TBX4: variants seen among roughly 807,000 people sequenced by gnomAD.
TBX4 encodes the protein T-box transcription factor TBX4.
In TBX4, 13 loss-of-function variants were observed where a neutral mutation model predicts 54.6. That is an observed-to-expected ratio of 0.24 (90% CI 0.15 to 0.38). TBX4 has a LOEUF of 0.38. TBX4 is among the 10% of genes least tolerant of loss of function. TBX4 has a pLI of 1.00. For synonymous variants in TBX4, 314 were observed against 306.7 expected (o/e 1.02, Z -0.25); for missense variants, 631 against 728.5 (o/e 0.87, Z 1.54).
chr17:61,453,109 C>T (rs2060425265), intron 1 of TBX4: 3 of 607,600 alleles, frequency 4.9e-6, no homozygotes, highest in Non-Finnish European at 6.2e-6. Context: ...TGAACAATTA[C>T]CAAAGAAAGG....
At chr17:61,482,605 A>T (rs1183697374) in intron 8 of TBX4, among the ~76,000 whole-genome samples, 1 of 152,190 alleles carries the variant, frequency 6.6e-6, no homozygotes, top group African/African-American at 2.4e-5. Context: ...ACTCTGCAAG[A>T]GTCAGGCTGG....
chr17:61,483,372 C>A lies in TBX4; in HGVS notation c.1497C>A (p.Pro499=), dbSNP rs755651888. 6.8e-6 allele frequency: 11 copies of A among 1,609,922 alleles called. No homozygotes were observed. The highest frequency in any genetic ancestry group is 2.2e-5 in the East Asian group (1 of 44,824). The change falls in exon 9 of 9, where the codon CCC becomes CCA. Residue 499 remains proline, a synonymous_variant. Transcript: ENST00000644296. The surrounding 1 kb of genome is among the most constrained non-coding windows in gnomAD (Gnocchi z 6.6). ...SASFPRERGL[P]QGCERKPPSP... ...CATTCCCAAGAGAGCGCGGCCTCCCCCAAGGGTGTGAGAGGAAGCCACCCT... is the reference window on the plus strand; with the variant it reads ...CATTCCCAAGAGAGCGCGGCCTCCCACAAGGGTGTGAGAGGAAGCCACCCT...
At chr17:61,453,323 T>C (rs1437668861) in intron 1 of TBX4, among the ~76,000 whole-genome samples, 1 of 152,130 alleles carries the variant, frequency 6.6e-6, no homozygotes, top group Non-Finnish European at 1.5e-5. Flanking sequence ...ATTACCAAAC[T>C]GTAGGAAACT....
rs1377991381 is a variant in TBX4, at chr17:61,474,521, A to G, written c.550-4106A>G. Among the ~76,000 whole-genome samples, 2 of 152,172 alleles carry G rather than the reference A, an allele frequency of 1.3e-5. No homozygotes were observed. The highest frequency in any genetic ancestry group is 4.8e-5 in the African/African-American group (2 of 41,424). On this transcript the variant is annotated intron_variant, in intron 5 of 8. Coordinates refer to ENST00000644296, the MANE Select transcript of TBX4 (RefSeq NM_001321120.2). This position sits in a 1 kb window ranked among gnomAD's most constrained non-coding sequence, Gnocchi z 4.6. ...CATGCCCTAATGTTCTGTGATTCCA[A>G]TGTAGATAGATCTGGGCTTTATTGG...
chr17:61,467,801 C>A (rs1034690872), intron 5 of TBX4, 144 bp downstream of exon 5: 6 of 1,051,876 alleles, frequency 5.7e-6, no homozygotes, highest in Admixed American at 4.9e-5. Flanking sequence ...GGAAGGAGCT[C>A]AAGCCTCTGA....
chr17:61,456,598 G>A lies in TBX4; in HGVS notation c.108G>A (p.Ala36=). ...ACGCCCCCGAGCCCGCGCTGGCAGCGCCGGGCCTCAGCGGAGCCGCGCTAG... is the reference window on the plus strand; with the variant it reads ...ACGCCCCCGAGCCCGCGCTGGCAGCACCGGGCCTCAGCGGAGCCGCGCTAG... The part of the protein sequence containing the change: ...AANAPEPALA[A]PGLSGAALGS... The change falls in exon 2 of 9, where the codon GCG becomes GCA. Residue 36 remains alanine (A), a synonymous_variant. Transcript: ENST00000644296. 6.6e-7 allele frequency: 1 copy of A among 1,521,340 alleles called. No homozygotes were observed. Among genetic ancestry groups the A allele is most frequent in the Non-Finnish European group, 8.8e-7 (1 of 1,133,952 alleles). 94.2% of individuals were successfully genotyped at this position (1,521,340 alleles called of 1,614,324 possible).
chr17:61,466,106 G>A (rs2060535918), intron 4 of TBX4, among the ~76,000 whole-genome samples, 168 bp downstream of exon 4: 1 of 152,144 alleles, frequency 6.6e-6, no homozygotes, highest in East Asian at 1.9e-4. Context: ...GGTGGTCAGC[G>A]AATGTCTGCA....
intron 5 of TBX4, among the ~76,000 whole-genome samples, chr17:61,473,256 T>C (rs751187472): frequency 4.6e-5 from 7 of 152,254 alleles, no homozygotes; most frequent in Non-Finnish European, 1.0e-4. Context: ...GCAGCCTTTC[T>C]TTCACTACAT....
chr17:61,456,384 G>C, intron 1 of TBX4, 104 bp from the exon 2 acceptor site: 1 of 1,475,198 alleles, frequency 6.8e-7, no homozygotes, highest in Non-Finnish European at 9.2e-7. Flanking sequence ...CTCCAGGGCT[G>C]CCTCCGCGCC....
At position 61,456,574 on chromosome 17, in the gene TBX4, C is replaced by A; in HGVS notation, c.84C>A (p.Asn28Lys). The A allele has an allele frequency of 6.5e-7, 1 of 1,540,354 alleles. No individual in the cohort carries two copies. The highest frequency in any genetic ancestry group is 1.2e-5 in the South Asian group (1 of 83,250). ...GPALGEASAANAPEPALAAPG... is the reference protein window; with the variant it reads ...GPALGEASAAKAPEPALAAPG... Reference sequence around the variant, plus strand: ...CGCTCGGAGAGGCCAGCGCAGCCAACGCCCCCGAGCCCGCGCTGGCAGCGC... The same window carrying A: ...CGCTCGGAGAGGCCAGCGCAGCCAAAGCCCCCGAGCCCGCGCTGGCAGCGC... The change falls in exon 2 of 9, where the codon AAC becomes AAA. Residue 28 changes from asparagine (N) to lysine (K), a missense_variant. This residue lies in a region of TBX4 where 123 missense variants were observed against 120.9 expected (regional missense o/e 1.02). Transcript: ENST00000644296.
At chr17:61,470,658 G>C (rs2060570417) in intron 5 of TBX4, among the ~76,000 whole-genome samples, 1 of 152,192 alleles carries the variant, frequency 6.6e-6, no homozygotes, top group Non-Finnish European at 1.5e-5. Context: ...TCCCGAGGTT[G>C]GGCCAGGCGG....
rs2060622150 is a variant in TBX4 at position 61,476,636 on chromosome 17, C to T, written c.550-1991C>T. 6.6e-6 allele frequency among the ~76,000 whole-genome samples: 1 copy of T among 152,254 alleles called. No individual in the cohort carries two copies. Among genetic ancestry groups the T allele is most frequent in the Non-Finnish European group, 1.5e-5 (1 of 68,044 alleles). On this transcript the variant is annotated intron_variant, in intron 5 of 8. Coordinates refer to ENST00000644296, the MANE Select transcript of TBX4 (RefSeq NM_001321120.2). The surrounding 1 kb of genome is among the most constrained non-coding windows in gnomAD (Gnocchi z 6.5). ...ACCTGTGTCCTGTAGCCTCACTCTG[C>T]ATTCCTCACCTGGCAGGCCCCCAGT...
In TBX4 at chr17:61,479,139, CAG is replaced by C; in HGVS notation, c.702+361_702+362del. Reference sequence around the variant, plus strand: ...GTTCATCTCCTGGTGCCTTCAGAGACAGGGGTAGGGAATGGGGATAGGAGCCC... The same window carrying C: ...GTTCATCTCCTGGTGCCTTCAGAGACGGGTAGGGAATGGGGATAGGAGCCC... On this transcript the variant is annotated intron_variant, in intron 6 of 8. Transcript: ENST00000644296. This position sits in a 1 kb window ranked among gnomAD's most constrained non-coding sequence, Gnocchi z 6.1. 6.6e-6 allele frequency among the ~76,000 whole-genome samples: 1 copy of C among 152,140 alleles called. No homozygotes were observed.
chr17:61,474,002 T>C lies in TBX4; in HGVS notation c.550-4625T>C, dbSNP rs562357072. ...GGGCTGATGGGCTCCCTGACTTAGA[T>C]CTAGTTTGAATTTTCCTTGGATGCA... is the stretch of plus-strand genomic sequence containing the variant. On this transcript the variant is annotated intron_variant, in intron 5 of 8. Transcript: ENST00000644296. This position sits in a 1 kb window ranked among gnomAD's most constrained non-coding sequence, Gnocchi z 4.6. 2.0e-5 allele frequency among the ~76,000 whole-genome samples: 3 copies of C among 152,266 alleles called. No homozygotes were observed. The highest frequency in any genetic ancestry group is 7.2e-5 in the African/African-American group (3 of 41,552).
chr17:61,456,544 C>T lies in TBX4; in HGVS notation c.54C>T (p.Gly18=). 1 of 1,556,010 alleles carries T rather than the reference C, an allele frequency of 6.4e-7. No homozygotes were observed. The highest frequency in any genetic ancestry group is 8.7e-7 in the Non-Finnish European group (1 of 1,150,454). ...GCGAGGAGGCCTTCCGGGCCCCGGG[C>T]CCAGCGCTCGGAGAGGCCAGCGCAG... is the stretch of plus-strand genomic sequence containing the variant. ...SESEEAFRAP[G]PALGEASAAN... The change falls in exon 2 of 9, where the codon GGC becomes GGT. Residue 18 remains glycine (G), a synonymous_variant. Transcript: ENST00000644296.
At chr17:61,471,542 C>CTTTTT (rs1223655366) in intron 5 of TBX4, among the ~76,000 whole-genome samples, 4 of 131,400 alleles carry the variant, frequency 3.0e-5, no homozygotes, top group Non-Finnish European at 6.5e-5. Context: ...TTCTTTTCAG[C>CTTTTT]ATTTTTTTTT....
chr17:61,478,105 G>A lies in TBX4; in HGVS notation c.550-522G>A, dbSNP rs893978293. 2.6e-5 allele frequency among the ~76,000 whole-genome samples: 4 copies of A among 152,204 alleles called. No individual in the cohort carries two copies. The highest frequency in any genetic ancestry group is 4.8e-5 in the African/African-American group (2 of 41,438). ...AACCCAAGTATTTCTAGAAGAGGCA[G>A]GTCATGTGTAAGAAGGGTATTGAGA... On this transcript the variant is annotated intron_variant, in intron 5 of 8. Coordinates refer to ENST00000644296, the MANE Select transcript of TBX4 (RefSeq NM_001321120.2). The surrounding 1 kb of genome is among the most constrained non-coding windows in gnomAD (Gnocchi z 7.4).
rs1158866023 is a variant in TBX4 at position 61,453,064 on chromosome 17, T to C, written c.-4+487T>C. On this transcript the variant is annotated intron_variant, in intron 1 of 8. Transcript: ENST00000644296. ...AAATTAAAGCAAGGAACATTATATA[T>C]AAATAATGATCGATGATTAAAGATT... is the stretch of plus-strand genomic sequence containing the variant. 7 of 870,456 alleles carry C rather than the reference T, an allele frequency of 8.0e-6. No homozygotes were observed. In the East Asian group the frequency reaches 8.4e-4, roughly 105 times the overall value. 53.9% of individuals were successfully genotyped at this position (870,456 alleles called of 1,614,324 possible).
rs1373866153 is a variant in TBX4, at chr17:61,465,812, C to G, written c.282-7C>G. ...ACACGCTCCGCCTCACCCCTCGGCT[C>G]CCCCAGGAGGATGTTCCCCAGCTAC... On this transcript the variant is annotated splice_region_variant and splice_polypyrimidine_tract_variant and intron_variant, in intron 3 of 8. Transcript: ENST00000644296. This position sits in a 1 kb window ranked among gnomAD's most constrained non-coding sequence, Gnocchi z 4.9. 1 of 1,613,740 alleles carries G rather than the reference C, an allele frequency of 6.2e-7. No homozygotes were observed. Among genetic ancestry groups the G allele is most frequent in the Non-Finnish European group, 8.5e-7 (1 of 1,179,848 alleles).
Sources: gnomAD v4.1 joint callset for allele counts (sites outside exome capture counted in the v4.1 genomes callset) on GRCh38, gnomAD v4.1.1 for gene constraint, gnomAD v4.1.1 regional missense constraint, Gnocchi (gnomAD v3.1) non-coding constraint, MANE v1.5 for transcripts, NCBI Gene and HGNC (gene_info 2026-07-23, HGNC 2026-07-21) for gene names.